EXOC4: variants seen among roughly 807,000 people sequenced by gnomAD.
The protein encoded by EXOC4 is exocyst complex component 4.
A neutral mutation model predicts 107.2 loss-of-function variants in EXOC4; 71 were observed. That is an observed-to-expected ratio of 0.66 (90% confidence interval 0.55 to 0.81). EXOC4 has a LOEUF of 0.81. EXOC4 is among the 30% of genes least tolerant of loss of function. EXOC4 has a pLI of 0.00. For missense variants in EXOC4, 1,108 were observed against 1,189.6 expected, an observed-to-expected ratio of 0.93 and a Z score of 1.01; for synonymous variants, 456 against 441.2, an observed-to-expected ratio of 1.03 and a Z score of -0.42.
At chr7:133,532,589 ATACCTGTTTCTTC>A (rs1038643248) in intron 9 of EXOC4, among the ~76,000 whole-genome samples, 3 of 152,152 alleles carry the variant, frequency 2.0e-5, no homozygotes, top group Admixed American at 6.6e-5. Context: ...CTTGCTTTTA[ATACCTGTTTCTTC>A]TAGAAGTGAA....
chr7:133,621,859 A>C (rs1039257664), intron 9 of EXOC4, among the ~76,000 whole-genome samples: 6 of 152,198 alleles, frequency 3.9e-5, no homozygotes, highest in African/African-American at 1.4e-4. Flanking sequence ...AGGAAACTGC[A>C]AGACGTTGTT....
chr7:133,272,150 TATGTGG>T (rs149635801), intron 1 of EXOC4, among the ~76,000 whole-genome samples: 1,962 of 152,238 alleles, frequency 0.013, 29 homozygotes, highest in African/African-American at 0.044. Context: ...CTAACAACCC[TATGTGG>T]AAGGTATCTT....
chr7:134,009,315 T>C (rs190422078), intron 17 of EXOC4, among the ~76,000 whole-genome samples: 7 of 152,336 alleles, frequency 4.6e-5, no homozygotes, highest in Non-Finnish European at 8.8e-5. Flanking sequence ...GATGAAATAT[T>C]ATATTACTTC....
chr7:133,697,838 C>G (rs1409746478), intron 10 of EXOC4, among the ~76,000 whole-genome samples: 1 of 152,152 alleles, frequency 6.6e-6, no homozygotes, highest in Non-Finnish European at 1.5e-5. Flanking sequence ...CCACGGTGGT[C>G]AGATACCAAA....
intron 17 of EXOC4, among the ~76,000 whole-genome samples, chr7:134,024,886 C>T (rs1795104240): frequency 6.6e-6 from 1 of 152,218 alleles, no homozygotes. Context: ...AGTGGTATGG[C>T]CAACATCCAC....
At chr7:133,576,653 A>T (rs1801136322) in intron 9 of EXOC4, 1 of 1,289,776 alleles carries the variant, frequency 7.8e-7, no homozygotes, top group African/African-American at 1.5e-5. Flanking sequence ...CACTCAGTTG[A>T]AAAAGAAACA....
intron 7 of EXOC4, among the ~76,000 whole-genome samples, chr7:133,384,309 C>T (rs1461646231): frequency 6.6e-6 from 1 of 152,142 alleles, no homozygotes; most frequent in Non-Finnish European, 1.5e-5. Context: ...TGGGCCTGCT[C>T]GGGCCTCATT....
At chr7:133,785,703 C>T (rs1370966505) in intron 10 of EXOC4, among the ~76,000 whole-genome samples, 2 of 150,816 alleles carry the variant, frequency 1.3e-5, no homozygotes, top group Middle Eastern at 3.4e-3. Flanking sequence ...GACGGAGTCT[C>T]GTTCTTTTGC....
chr7:133,653,757 C>G (rs765330026), intron 10 of EXOC4, among the ~76,000 whole-genome samples: 3 of 152,182 alleles, frequency 2.0e-5, no homozygotes, highest in Non-Finnish European at 2.9e-5. Context: ...AACAACTTTC[C>G]TATTTCTGAA....
At chr7:133,748,692 T>C (rs1585119695) in intron 10 of EXOC4, among the ~76,000 whole-genome samples, 1 of 152,174 alleles carries the variant, frequency 6.6e-6, no homozygotes. Flanking sequence ...GAGGGTCATA[T>C]AGAGCACAGT....
chr7:133,254,610 G>T (rs1022059746), intron 1 of EXOC4, among the ~76,000 whole-genome samples: 1 of 152,142 alleles, frequency 6.6e-6, no homozygotes, highest in Non-Finnish European at 1.5e-5. Flanking sequence ...CGTCTGGCAC[G>T]TATTACATAT....
At chr7:133,728,078 G>C (rs912507281) in intron 10 of EXOC4, among the ~76,000 whole-genome samples, 1 of 151,996 alleles carries the variant, frequency 6.6e-6, no homozygotes, top group African/African-American at 2.4e-5. Flanking sequence ...ACCCCAAATT[G>C]CCACTTTTCT....
intron 17 of EXOC4, among the ~76,000 whole-genome samples, chr7:134,009,121 G>A (rs934554352): frequency 1.3e-5 from 2 of 152,092 alleles, no homozygotes; most frequent in Non-Finnish European, 2.9e-5. Context: ...CTCTATTGCC[G>A]TTTATACCTG....
At chr7:133,638,395 A>G (rs1802764949) in intron 10 of EXOC4, among the ~76,000 whole-genome samples, 1 of 152,178 alleles carries the variant, frequency 6.6e-6, no homozygotes, top group Non-Finnish European at 1.5e-5. Flanking sequence ...GTGCAGCTTC[A>G]GAGCTCGGGG....
chr7:133,593,742 T>G (rs1801602201), intron 9 of EXOC4, among the ~76,000 whole-genome samples: 1 of 152,158 alleles, frequency 6.6e-6, no homozygotes, highest in Admixed American at 6.5e-5. Context: ...TTTGGAAGAG[T>G]GTTTCTATAA....
intron 2 of EXOC4, among the ~76,000 whole-genome samples, chr7:133,281,650 A>G (rs1794145891): frequency 6.7e-6 from 1 of 149,804 alleles, no homozygotes; most frequent in African/African-American, 2.4e-5. Context: ...GCTCAGAGGC[A>G]TTTCCTCCCT....
intron 10 of EXOC4, among the ~76,000 whole-genome samples, chr7:133,685,403 C>T (rs1794275688): frequency 6.6e-6 from 1 of 152,144 alleles, no homozygotes; most frequent in South Asian, 2.1e-4. Context: ...TTCCCCGTCA[C>T]CTTCTGCCAT....
intron 1 of EXOC4, among the ~76,000 whole-genome samples, chr7:133,260,419 G>T (rs752188432): frequency 6.6e-6 from 1 of 151,886 alleles, no homozygotes. Context: ...GATTATAGGC[G>T]TGCGCCACCA....
intron 17 of EXOC4, among the ~76,000 whole-genome samples, chr7:134,009,509 G>C (rs181773386): frequency 2.3e-4 from 35 of 152,252 alleles, no homozygotes; most frequent in African/African-American, 7.7e-4. Context: ...GAGAGAGAGA[G>C]AAAGTGAATG....
Sources: gnomAD v4.1 joint callset for allele counts (sites outside exome capture counted in the v4.1 genomes callset) on GRCh38, gnomAD v4.1.1 for gene constraint, MANE v1.5 for transcripts, NCBI Gene and HGNC (gene_info 2026-07-23, HGNC 2026-07-21) for gene names.